Variants in RASGRF2 observed in about 807,000 individuals in gnomAD.
RASGRF2 encodes ras-specific guanine nucleotide-releasing factor 2.
A neutral mutation model predicts 151.0 loss-of-function variants in RASGRF2; 76 were observed. The ratio of observed to expected loss-of-function variants is 0.50; its 90% CI spans 0.42 to 0.61. The LOEUF (loss-of-function observed/expected upper bound fraction) is 0.61. RASGRF2 is among the 20% of genes least tolerant of loss of function. RASGRF2 has a pLI of 0.00. For missense variants in RASGRF2, 1,148 were observed against 1,564.6 expected (o/e 0.73, Z 4.49); for synonymous variants, 504 against 566.5 (o/e 0.89, Z 1.57).
At chr5:81,161,431 G>A (rs551112479) in intron 17 of RASGRF2, among the ~76,000 whole-genome samples, 1 of 152,330 alleles carries the variant, frequency 6.6e-6, no homozygotes, top group Admixed American at 6.5e-5. Flanking sequence ...TCATTGGAGA[G>A]CATTTCTGAG....
At position 81,130,702 on chromosome 5, in the gene RASGRF2, C is replaced by T. The variant is rs79421537; in HGVS notation, c.2686+3539C>T. On this transcript the variant is annotated intron_variant, in intron 17 of 26. Coordinates refer to ENST00000265080, the MANE Select transcript of RASGRF2 (RefSeq NM_006909.3). ...CAACTCCCAAACAGACTTTGTATCT[C>T]CTCTGGGAATCAGGAATTGCCAGCC... 4.9e-3 allele frequency among the ~76,000 whole-genome samples: 738 copies of T among 151,350 alleles called. 9 individuals carry two copies. The highest frequency in any genetic ancestry group is 0.017 in the African/African-American group (695 of 40,942).
Position 81,026,294 on chromosome 5 carries a change from T to A in RASGRF2, c.289-16583T>A, listed in dbSNP as rs576947721. Among the ~76,000 whole-genome samples, 168 of 151,970 alleles carry A rather than the reference T, an allele frequency of 1.1e-3. 3 individuals carry two copies. The highest frequency in any genetic ancestry group is 1.6e-3 in the Non-Finnish European group (107 of 67,962). The stretch of plus-strand genomic sequence containing the variant: ...CCTCTCAGGCCTCTGTTCTTTCTCC[T>A]GGCCAGTGAAGGAGACTTTCTTTCT... On this transcript the variant is annotated intron_variant, in intron 1 of 26. Transcript: ENST00000265080.
chr5:81,159,828 G>T (rs1019281936), intron 17 of RASGRF2, among the ~76,000 whole-genome samples: 1 of 152,136 alleles, frequency 6.6e-6, no homozygotes, highest in Admixed American at 6.6e-5. Context: ...TTCAGTGAAA[G>T]ACCTGTTTTA....
At chr5:81,196,699 C>CCTCA (rs1561254989) in intron 18 of RASGRF2, among the ~76,000 whole-genome samples, 1 of 150,076 alleles carries the variant, frequency 6.7e-6, no homozygotes, top group African/African-American at 2.5e-5. Flanking sequence ...ACTAATTGAC[C>CCTCA]CTCAGCACGG....
chr5:81,208,794 G>A (rs1755569585), intron 22 of RASGRF2, among the ~76,000 whole-genome samples: 1 of 151,866 alleles, frequency 6.6e-6, no homozygotes, highest in African/African-American at 2.4e-5. Context: ...CAGGCAATCT[G>A]CCTGCCTCAG....
intron 1 of RASGRF2, among the ~76,000 whole-genome samples, chr5:81,039,459 T>G (rs189530680): frequency 2.0e-5 from 3 of 152,258 alleles, no homozygotes; most frequent in Admixed American, 2.0e-4. Context: ...GTAGCAGGTC[T>G]AAACTTGTCC....
intron 2 of RASGRF2, among the ~76,000 whole-genome samples, chr5:81,050,748 A>G (rs2112412539): frequency 6.6e-6 from 1 of 152,252 alleles, no homozygotes; most frequent in South Asian, 2.1e-4. Flanking sequence ...CCCTCACTGT[A>G]ACTTCTTATT....
intron 19 of RASGRF2, among the ~76,000 whole-genome samples, chr5:81,205,148 A>G (rs58953807): frequency 6.6e-6 from 1 of 152,030 alleles, no homozygotes. Flanking sequence ...TAAAATGACT[A>G]TTTCTTTCTA....
chr5:81,128,957 G>A (rs1007884907), intron 17 of RASGRF2, among the ~76,000 whole-genome samples: 1 of 151,994 alleles, frequency 6.6e-6, no homozygotes, highest in African/African-American at 2.4e-5. Flanking sequence ...TGGCCAACAT[G>A]ATGAATCCCC....
intron 1 of RASGRF2, among the ~76,000 whole-genome samples, chr5:80,994,361 G>T (rs1748760431): frequency 1.5e-5 from 1 of 66,332 alleles, no homozygotes; most frequent in Admixed American, 1.9e-4. Flanking sequence ...GCGACACTCT[G>T]TCTCAAAAAA....
intron 1 of RASGRF2, among the ~76,000 whole-genome samples, chr5:80,995,693 CTTTT>C (rs1554083685): frequency 1.8e-4 from 18 of 97,334 alleles, no homozygotes; most frequent in African/African-American, 4.6e-4. Flanking sequence ...TTCCCCCCCC[CTTTT>C]TTTTTTTTTT....
chr5:81,090,801 A>G (rs1261984536), intron 9 of RASGRF2, among the ~76,000 whole-genome samples: 1 of 152,132 alleles, frequency 6.6e-6, no homozygotes, highest in East Asian at 1.9e-4. Context: ...ATTTATTTTT[A>G]TGTATTCTAT....
intron 1 of RASGRF2, among the ~76,000 whole-genome samples, chr5:81,001,444 GTGTGCTT>G (rs1412377866): frequency 2.0e-5 from 3 of 152,104 alleles, no homozygotes; most frequent in African/African-American, 7.2e-5. Flanking sequence ...TGCATTCTTG[GTGTGCTT>G]TATCCTTTTT....
At chr5:80,970,779 A>G (rs1298742258) in intron 1 of RASGRF2, among the ~76,000 whole-genome samples, 1 of 152,242 alleles carries the variant, frequency 6.6e-6, no homozygotes, top group Non-Finnish European at 1.5e-5. Context: ...GGTGTTTCAC[A>G]GAACGTTTAA....
At chr5:81,193,901 C>T (rs1248544278) in intron 18 of RASGRF2, among the ~76,000 whole-genome samples, 1 of 152,212 alleles carries the variant, frequency 6.6e-6, no homozygotes, top group Non-Finnish European at 1.5e-5. Flanking sequence ...TAGCCTGGAT[C>T]TAAGTCATGG....
chr5:81,137,734 C>A (rs115885074), intron 17 of RASGRF2, among the ~76,000 whole-genome samples: 1 of 152,182 alleles, frequency 6.6e-6, no homozygotes, highest in African/African-American at 2.4e-5. Flanking sequence ...AGAAACAACG[C>A]GCTGACTCTG....
At chr5:81,194,763 C>T (rs560773652) in intron 18 of RASGRF2, among the ~76,000 whole-genome samples, 5 of 152,278 alleles carry the variant, frequency 3.3e-5, no homozygotes, top group South Asian at 4.1e-4. Context: ...TGCAGATGGA[C>T]GCCCTCCTCA....
At chr5:81,035,126 G>C (rs1345714066) in intron 1 of RASGRF2, among the ~76,000 whole-genome samples, 4 of 151,942 alleles carry the variant, frequency 2.6e-5, no homozygotes, top group Non-Finnish European at 4.4e-5. Flanking sequence ...ATACCCAAAG[G>C]ATTATAAATC....
chr5:80,999,645 C>T (rs2112285660), intron 1 of RASGRF2, among the ~76,000 whole-genome samples: 1 of 152,280 alleles, frequency 6.6e-6, no homozygotes, highest in African/African-American at 2.4e-5. Context: ...AGGTGTAAGC[C>T]AACCATACCA....
Sources: gnomAD v4.1 joint callset for allele counts (sites outside exome capture counted in the v4.1 genomes callset) on GRCh38, gnomAD v4.1.1 for gene constraint, MANE v1.5 for transcripts, NCBI Gene and HGNC (gene_info 2026-07-23, HGNC 2026-07-21) for gene names.